EXO1: variants seen among roughly 807,000 people sequenced by gnomAD.
EXO1 encodes exonuclease 1.
In EXO1, 69 loss-of-function variants were observed where a neutral mutation model predicts 84.5. The observed-to-expected ratio is 0.82, with a 90% CI of 0.67 to 1.00. EXO1 has a LOEUF of 1.00. Among genes scored for constraint, EXO1 ranks in the 50% least tolerant of loss-of-function variants. The pLI, the probability that EXO1 is intolerant of heterozygous loss-of-function variation, is 0.00. For synonymous variants in EXO1, 373 were observed against 366.1 expected, an observed-to-expected ratio of 1.02 and a Z score of -0.21; for missense variants, 1,045 against 1,000.7, an observed-to-expected ratio of 1.04 and a Z score of -0.60.
intron 15 of EXO1, 132 bp downstream of exon 15, chr1:241,885,639 TC>T (rs772918310): frequency 1.4e-5 from 11 of 769,520 alleles, no homozygotes; most frequent in Admixed American, 7.2e-5. Context: ...TATTTTTCTC[TC>T]TTCCCTTTAG....
intron 15 of EXO1, among the ~76,000 whole-genome samples, chr1:241,888,966 T>G (rs1663220677): frequency 6.6e-6 from 1 of 152,032 alleles, no homozygotes; most frequent in African/African-American, 2.4e-5. Context: ...TTCCAGCTAC[T>G]CGGGCTGAGG....
chr1:241,883,308 A>G (rs1662874083), intron 14 of EXO1, among the ~76,000 whole-genome samples: 1 of 152,226 alleles, frequency 6.6e-6, no homozygotes, highest in African/African-American at 2.4e-5. Context: ...TGCTTAAATG[A>G]TAAATATTTA....
intron 12 of EXO1, among the ~76,000 whole-genome samples, chr1:241,874,767 G>C (rs1211192072): frequency 6.6e-6 from 1 of 152,176 alleles, no homozygotes; most frequent in Non-Finnish European, 1.5e-5. Flanking sequence ...GATTAAATGA[G>C]TTACTATCAG....
chr1:241,872,501 C>G (rs1191025192), intron 12 of EXO1, among the ~76,000 whole-genome samples: 2 of 152,140 alleles, frequency 1.3e-5, no homozygotes, highest in African/African-American at 4.8e-5. Context: ...TTATCCCTCC[C>G]CTAGCCCCCT....
chr1:241,849,899 T>C (rs1660557711), intron 3 of EXO1, among the ~76,000 whole-genome samples: 1 of 152,198 alleles, frequency 6.6e-6, no homozygotes, highest in South Asian at 2.1e-4. Flanking sequence ...GAGGTAGTAT[T>C]AGTGATTAAT....
At chr1:241,850,690 T>TA in intron 4 of EXO1, 104 bp downstream of exon 4, 1 of 908,220 alleles carries the variant, frequency 1.1e-6, no homozygotes, top group Non-Finnish European at 1.8e-6. Flanking sequence ...TGCCAGAACT[T>TA]ATCAGGAAGT....
rs150272411 is a variant in EXO1 at position 241,878,606 on chromosome 1, A to AT, written c.1515-137dup. ...ATTTGAATTTTGACTAAAATTTAAG[A>AT]TTTTTTATGCCTTTATGAAATTATA... On this transcript the variant is annotated intron_variant, in intron 12 of 15. Transcript: ENST00000366548. 3.6e-3 allele frequency: 2,154 copies of AT among 599,738 alleles called. 41 individuals are homozygous for AT. Among genetic ancestry groups the AT allele is most frequent in the African/African-American group, 0.035 (1,890 of 54,014 alleles). 37.2% of individuals were successfully genotyped at this position (599,738 alleles called of 1,614,324 possible).
At position 241,885,297 on chromosome 1, in the gene EXO1, G is replaced by T. The variant is rs1228205608; in HGVS notation, c.2212-17G>T. On this transcript the variant is annotated splice_polypyrimidine_tract_variant and intron_variant, in intron 14 of 15. Transcript: ENST00000366548. ...TGCTTTAACAGAATGGTCTTAAAAT[G>T]GGTGTTTAATCTTCAGGTTCCTGGG... 6.3e-7 allele frequency: 1 copy of T among 1,594,656 alleles called. No homozygotes were observed. Among genetic ancestry groups the T allele is most frequent in the South Asian group, 1.1e-5 (1 of 90,446 alleles).
chr1:241,850,411 AGTT>A lies in EXO1; in HGVS notation c.-14_-12del. The A allele has an allele frequency of 1.2e-6, 2 of 1,600,474 alleles. No individual in the cohort carries two copies. Among genetic ancestry groups the A allele is most frequent in the Non-Finnish European group, 1.7e-6 (2 of 1,167,654 alleles). On this transcript the variant is annotated 5_prime_UTR_variant, in exon 4 of 16. Transcript: ENST00000366548. ...CTCCCTGTCTCTTTTCATATCAGGT[AGTT>A]AATTTGGCACCATGGGGATACAGGG...
In EXO1 at chr1:241,879,126, A is replaced by G; in HGVS notation, c.1892A>G (p.Gln631Arg). The G allele has an allele frequency of 6.2e-7, 1 of 1,611,616 alleles. No homozygotes were observed. Reference protein sequence around the residue: ...TPSPSPSTALQQFRRKSDSPT... With the variant: ...TPSPSPSTALRQFRRKSDSPT... ...AGCCCCTCTCCAAGCACAGCATTGCAGCAGTTCCGAAGAAAGAGCGATTCC... is the reference window on the plus strand; with the variant it reads ...AGCCCCTCTCCAAGCACAGCATTGCGGCAGTTCCGAAGAAAGAGCGATTCC... Residue 631 changes from glutamine (Q) to arginine (R), a missense_variant, in exon 13 of 16, where the codon CAG becomes CGG. Physicochemically the swap from Gln to Arg is conservative, Grantham distance 43. Transcript: ENST00000366548.
intron 12 of EXO1, among the ~76,000 whole-genome samples, chr1:241,876,125 C>T (rs1337544067): frequency 6.6e-6 from 1 of 152,144 alleles, no homozygotes; most frequent in Non-Finnish European, 1.5e-5. Flanking sequence ...TACATCGCTG[C>T]TTTATGTAGT....
At chr1:241,889,444 G>A (rs891742666) in intron 15 of EXO1, 21 bp from the exon 16 acceptor site, 4 of 1,607,322 alleles carry the variant, frequency 2.5e-6, no homozygotes, top group East Asian at 4.5e-5. Context: ...AATACCAAAT[G>A]TATTTTATTG....
intron 9 of EXO1, 46 bp downstream of exon 9, chr1:241,860,750 A>T: frequency 6.6e-7 from 1 of 1,506,288 alleles, no homozygotes; most frequent in Non-Finnish European, 9.2e-7. Context: ...ATTTTTCTTC[A>T]ATATTTTTAT....
At chr1:241,861,007 C>T (rs1445411343) in intron 9 of EXO1, among the ~76,000 whole-genome samples, 3 of 152,214 alleles carry the variant, frequency 2.0e-5, no homozygotes, top group Non-Finnish European at 4.4e-5. Flanking sequence ...AGGACCTCCT[C>T]GTGGCAAGCA....
chr1:241,863,079 C>T (rs1661492089), intron 10 of EXO1, among the ~76,000 whole-genome samples: 1 of 152,120 alleles, frequency 6.6e-6, no homozygotes, highest in Non-Finnish European at 1.5e-5. Context: ...AAATAAAAAG[C>T]ATGTCCCTCA....
intron 6 of EXO1, among the ~76,000 whole-genome samples, chr1:241,856,371 C>T (rs1367805194): frequency 6.6e-6 from 1 of 150,980 alleles, no homozygotes; most frequent in Non-Finnish European, 1.5e-5. Context: ...TTTGACACAG[C>T]GGCTATGATA....
At chr1:241,860,103 C>G (rs944034501) in intron 8 of EXO1, among the ~76,000 whole-genome samples, 2 of 152,146 alleles carry the variant, frequency 1.3e-5, no homozygotes, top group Admixed American at 6.5e-5. Flanking sequence ...ATCCATGACT[C>G]TCACAGAAAT....
chr1:241,882,689 G>A (rs1471637155), intron 14 of EXO1, among the ~76,000 whole-genome samples: 2 of 152,098 alleles, frequency 1.3e-5, no homozygotes, highest in African/African-American at 4.8e-5. Flanking sequence ...ACCAATGGTT[G>A]ATTAATATGT....
intron 10 of EXO1, among the ~76,000 whole-genome samples, chr1:241,866,169 A>G (rs1661710094): frequency 1.3e-5 from 2 of 152,160 alleles, no homozygotes; most frequent in African/African-American, 2.4e-5. Flanking sequence ...TGTTTTTGAG[A>G]CGGAGTCTCC....
Sources: allele counts gnomAD v4.1 joint callset (sites outside exome capture counted in the v4.1 genomes callset), GRCh38; gene constraint gnomAD v4.1.1; transcripts MANE v1.5; gene names NCBI Gene and HGNC (gene_info 2026-07-23, HGNC 2026-07-21).